Variants in IQGAP2 observed in about 807,000 individuals in gnomAD.
IQGAP2 encodes the protein ras GTPase-activating-like protein IQGAP2.
In IQGAP2, 173 loss-of-function variants were observed where a neutral mutation model predicts 201.3. The observed-to-expected ratio is 0.86, with a 90% CI of 0.76 to 0.98. The LOEUF is 0.98. Among genes scored for constraint, IQGAP2 ranks in the 50% least tolerant of loss-of-function variants. The pLI is 0.00. For missense variants in IQGAP2, 1,687 were observed against 1,864.8 expected (o/e 0.90, Z 1.76); for synonymous variants, 675 against 673.9 (o/e 1.00, Z -0.03).
chr5:76,631,444 A>G (rs1369412516), intron 14 of IQGAP2, among the ~76,000 whole-genome samples: 4 of 152,118 alleles, frequency 2.6e-5, no homozygotes, highest in Non-Finnish European at 5.9e-5. Context: ...GAATACCAGG[A>G]TTTCTGTAAC....
In IQGAP2 at chr5:76,670,387, G is replaced by A. The variant is rs548486696; in HGVS notation, c.2844-1372G>A. ...AAATTAGCCAGACATGGTGGCGGGC[G>A]CCTGTAGTCCCAGCTACTCAGGAGG... On this transcript the variant is annotated intron_variant, in intron 23 of 35. Transcript: ENST00000274364. Among the ~76,000 whole-genome samples, 16 of 152,182 alleles carry A rather than the reference G, an allele frequency of 1.1e-4. No individual in the cohort carries two copies. The East Asian group carries it at 1.4e-3, about 13-fold the overall frequency.
chr5:76,417,963 C>A (rs909440904), intron 1 of IQGAP2, among the ~76,000 whole-genome samples: 4 of 151,260 alleles, frequency 2.6e-5, no homozygotes, highest in South Asian at 2.1e-4. Flanking sequence ...AATCCCAGCA[C>A]TTTGGGAGGC....
intron 26 of IQGAP2, 133 bp from the exon 27 acceptor site, chr5:76,674,344 G>T: frequency 1.6e-6 from 1 of 612,194 alleles, no homozygotes. Context: ...CTCCTTGTTA[G>T]GATTTACATC....
chr5:76,520,691 G>A (rs1370361243), intron 2 of IQGAP2, among the ~76,000 whole-genome samples: 1 of 142,318 alleles, frequency 7.0e-6, no homozygotes, highest in Non-Finnish European at 1.5e-5. Flanking sequence ...AACATCATAG[G>A]TCTCTCCTCT....
chr5:76,620,611 G>T (rs563379546), intron 13 of IQGAP2, among the ~76,000 whole-genome samples: 1 of 152,260 alleles, frequency 6.6e-6, no homozygotes, highest in Non-Finnish European at 1.5e-5. Context: ...AATTCCAGGA[G>T]CCCAAATTAG....
chr5:76,514,628 C>T lies in IQGAP2; in HGVS notation c.147-47768C>T, dbSNP rs535738344. The stretch of plus-strand genomic sequence containing the variant: ...CCATCACCTGCATCACGTGGTCTGT[C>T]CTCTCTGAAATCTCGTTAGAAGCAG... On this transcript the variant is annotated intron_variant, in intron 2 of 35. Transcript: ENST00000274364. Among the ~76,000 whole-genome samples, 20 of 152,320 alleles carry T rather than the reference C, an allele frequency of 1.3e-4. No homozygotes were observed. In the East Asian group the frequency reaches 3.9e-3, roughly 29 times the overall value.
At chr5:76,466,544 C>G (rs1222266217) in intron 2 of IQGAP2, among the ~76,000 whole-genome samples, 1 of 152,158 alleles carries the variant, frequency 6.6e-6, no homozygotes, top group Non-Finnish European at 1.5e-5. Context: ...GAAATAAACC[C>G]TAACACTTCT....
chr5:76,606,828 G>C (rs1159918975), intron 12 of IQGAP2: 1 of 152,200 alleles, frequency 6.6e-6, no homozygotes, highest in African/African-American at 2.4e-5. Context: ...ATGCTTTCTT[G>C]AATGTCAGCT....
intron 5 of IQGAP2, among the ~76,000 whole-genome samples, chr5:76,577,028 T>TAACCC (rs1745514759): frequency 6.6e-6 from 1 of 152,246 alleles, no homozygotes; most frequent in Non-Finnish European, 1.5e-5. Flanking sequence ...GATAACACTA[T>TAACCC]AGTTAGTACT....
rs750278236 is a variant in IQGAP2 at position 76,632,016 on chromosome 5, A to C, written c.1770A>C (p.Lys590Asn). Reference sequence around the variant, plus strand: ...CCCTTGTGAAGGCAAAAGAGCTCAAATCTGAAAGAGGTAAGTTGGTTTGTT... The same window carrying C: ...CCCTTGTGAAGGCAAAAGAGCTCAACTCTGAAAGAGGTAAGTTGGTTTGTT... ...YDALVKAKEL[K>N]SERVSSDGSW... The change falls in exon 15 of 36, where the codon AAA (lysine) becomes AAC (asparagine). Residue 590 changes from lysine to asparagine, a missense_variant. Transcript: ENST00000274364. 2 of 1,604,966 alleles carry C rather than the reference A, an allele frequency of 1.2e-6. No individual in the cohort carries two copies. Among genetic ancestry groups the C allele is most frequent in the Non-Finnish European group, 1.7e-6 (2 of 1,176,490 alleles).
At chr5:76,584,745 C>T (rs1019558764) in intron 5 of IQGAP2, among the ~76,000 whole-genome samples, 4 of 152,184 alleles carry the variant, frequency 2.6e-5, no homozygotes, top group Admixed American at 1.3e-4. Flanking sequence ...CTTCTTAATG[C>T]TGGCTCCTGA....
At chr5:76,458,660 T>C (rs1468568529) in intron 1 of IQGAP2, among the ~76,000 whole-genome samples, 2 of 152,122 alleles carry the variant, frequency 1.3e-5, no homozygotes, top group African/African-American at 4.8e-5. Context: ...CCCATGAGGG[T>C]ACACATTTTT....
Position 76,514,212 on chromosome 5 carries a change from C to T in IQGAP2, c.147-48184C>T, listed in dbSNP as rs149608650. On this transcript the variant is annotated intron_variant, in intron 2 of 35. Coordinates refer to ENST00000274364, the MANE Select transcript of IQGAP2 (RefSeq NM_006633.5). The stretch of plus-strand genomic sequence containing the variant: ...CTAATTTTTGTATTTTTAATACAGA[C>T]GGGGTTTCACCATGTTGGCCTGGCT... Among the ~76,000 whole-genome samples, 195 of 151,852 alleles carry T rather than the reference C, an allele frequency of 1.3e-3. 1 individual carries two copies. The highest frequency in any genetic ancestry group is 4.4e-3 in the African/African-American group (182 of 41,410).
intron 1 of IQGAP2, among the ~76,000 whole-genome samples, chr5:76,418,610 A>G (rs58768211): frequency 0.02 from 3,103 of 151,404 alleles, 51 homozygotes; most frequent in African/African-American, 0.036. Context: ...AAAAAAAAAA[A>G]TCTCTAAATT....
At chr5:76,588,459 G>A (rs1374481196) in intron 5 of IQGAP2, among the ~76,000 whole-genome samples, 3 of 152,148 alleles carry the variant, frequency 2.0e-5, no homozygotes, top group African/African-American at 4.8e-5. Context: ...TTTAGAAAAT[G>A]TAAAACAAAT....
At chr5:76,543,897 C>G (rs958891803) in intron 2 of IQGAP2, among the ~76,000 whole-genome samples, 52 of 152,296 alleles carry the variant, frequency 3.4e-4, no homozygotes, top group African/African-American at 1.2e-3. Context: ...GAAGTTTTCT[C>G]TATTTCTGAT....
rs1746453240 is a variant in IQGAP2 at position 76,693,433 on chromosome 5, T to C, written c.3984T>C (p.Thr1328=). The change falls in exon 31 of 36, where the codon ACT becomes ACC. Residue 1328 remains threonine (T), a synonymous_variant. Transcript: ENST00000274364. ...CAGAAATCTTAGAGACACCAGCAAC[T>C]GCGCAACAGGTAATTTGACTTTAAG... ...TLTEILETPA[T]AQQEVDHATD... The C allele has an allele frequency of 6.2e-7, 1 of 1,605,958 alleles. No homozygotes were observed. Among genetic ancestry groups the C allele is most frequent in the African/African-American group, 1.3e-5 (1 of 74,744 alleles).
chr5:76,417,755 A>G (rs528762203), intron 1 of IQGAP2, among the ~76,000 whole-genome samples: 32 of 150,706 alleles, frequency 2.1e-4, no homozygotes, highest in African/African-American at 7.3e-4. Flanking sequence ...TAATTTTTGT[A>G]TTTTTAGTAG....
intron 21 of IQGAP2, among the ~76,000 whole-genome samples, chr5:76,661,575 C>T (rs1351548303): frequency 6.6e-6 from 1 of 152,128 alleles, no homozygotes; most frequent in Non-Finnish European, 1.5e-5. Flanking sequence ...TACTTCACTG[C>T]TTATATTAAC....
Sources: gnomAD v4.1 joint callset for allele counts (sites outside exome capture counted in the v4.1 genomes callset) on GRCh38, gnomAD v4.1.1 for gene constraint, MANE v1.5 for transcripts, NCBI Gene and HGNC (gene_info 2026-07-23, HGNC 2026-07-21) for gene names.